FAR2: variants seen among roughly 807,000 people sequenced by gnomAD.
FAR2 encodes fatty acyl-CoA reductase 2, also known as epididymis secretory protein Li 81.
FAR2 carries 19 observed loss-of-function variants against 56.0 expected under a neutral mutation model. The observed-to-expected ratio is 0.34, with a 90% CI of 0.24 to 0.50. FAR2 has a LOEUF of 0.50. Ranked by LOEUF, FAR2 falls within the 20% of genes least tolerant of loss-of-function variation. FAR2 has a pLI of 0.98. For synonymous variants in FAR2, 219 were observed against 218.8 expected (o/e 1.00, Z -0.01); for missense variants, 508 against 642.2 (o/e 0.79, Z 2.26).
chr12:29,165,180 T>A (rs1055058499), intron 1 of FAR2, among the ~76,000 whole-genome samples: 1 of 152,204 alleles, frequency 6.6e-6, no homozygotes, highest in Non-Finnish European at 1.5e-5. Flanking sequence ...TATGTAAACC[T>A]CTCCTACGTT....
At chr12:29,303,687 A>G (rs1321773113) in intron 4 of FAR2, among the ~76,000 whole-genome samples, 1 of 152,176 alleles carries the variant, frequency 6.6e-6, no homozygotes, top group African/African-American at 2.4e-5. Context: ...GCTATAGAAC[A>G]CATTGTTAAC....
intron 1 of FAR2, among the ~76,000 whole-genome samples, chr12:29,230,268 A>C (rs953353527): frequency 6.6e-6 from 1 of 152,082 alleles, no homozygotes; most frequent in Non-Finnish European, 1.5e-5. Flanking sequence ...TGGGTATTAC[A>C]GGGATCAGCC....
Position 29,307,694 on chromosome 12 carries a change from C to T in FAR2, c.582C>T (p.Pro194=), listed in dbSNP as rs755943380. The change falls in exon 5 of 12, where the codon CCC becomes CCT. Residue 194 remains proline, a synonymous_variant. Coordinates refer to ENST00000536681, the MANE Select transcript of FAR2 (RefSeq NM_001271783.2). The stretch of plus-strand genomic sequence containing the variant: ...ATGCTATTATTGACGAGATTACACC[C>T]AAGCTGATCAGAGATTGGCCCAATA... ...LDDAIIDEIT[P]KLIRDWPNIY... The T allele has an allele frequency of 1.2e-6, 2 of 1,613,556 alleles. No homozygotes were observed. The highest frequency in any genetic ancestry group is 1.7e-5 in the Admixed American group (1 of 59,942).
intron 1 of FAR2, among the ~76,000 whole-genome samples, chr12:29,216,476 C>G: frequency 6.6e-6 from 1 of 152,188 alleles, no homozygotes. Context: ...CTCATGTGTA[C>G]AGCAGATGCT....
chr12:29,324,591 C>T (rs1949612418), intron 10 of FAR2, among the ~76,000 whole-genome samples: 3 of 152,130 alleles, frequency 2.0e-5, no homozygotes, highest in Admixed American at 2.0e-4. Flanking sequence ...TGGGGGCCGA[C>T]ATTCAACATT....
intron 1 of FAR2, among the ~76,000 whole-genome samples, chr12:29,240,262 G>A (rs958873588): frequency 1.3e-5 from 2 of 152,198 alleles, no homozygotes; most frequent in African/African-American, 4.8e-5. Flanking sequence ...CATTCTGGAA[G>A]TCAGAGCTTA....
At chr12:29,312,030 T>G in intron 8 of FAR2, 80 bp downstream of exon 8, 1 of 1,015,256 alleles carries the variant, frequency 9.8e-7, no homozygotes, top group Non-Finnish European at 1.5e-6. Flanking sequence ...TCATGGAGCT[T>G]AGAGCTTATA....
chr12:29,188,619 GA>G (rs1409850305), intron 1 of FAR2, among the ~76,000 whole-genome samples: 2 of 152,040 alleles, frequency 1.3e-5, no homozygotes, highest in Non-Finnish European at 2.9e-5. Flanking sequence ...GGCTTTATTT[GA>G]ATTTCACCAG....
Position 29,160,162 on chromosome 12 carries a change from T to C in FAR2, c.-39+10755T>C, listed in dbSNP as rs117515287. ...GGAGCCATTAAGTGGGCCATTTTAGTTCCTTGAAGTCCTCTAGACTTTGGC... is the reference window on the plus strand; with the variant it reads ...GGAGCCATTAAGTGGGCCATTTTAGCTCCTTGAAGTCCTCTAGACTTTGGC... On this transcript the variant is annotated intron_variant, in intron 1 of 11. Transcript: ENST00000536681. Among the ~76,000 whole-genome samples, 802 of 152,336 alleles carry C rather than the reference T, an allele frequency of 5.3e-3. 3 individuals carry two copies. Among genetic ancestry groups the C allele is most frequent in the Non-Finnish European group, 7.5e-3 (513 of 68,032 alleles).
chr12:29,256,546 T>C (rs1948319291), intron 1 of FAR2, among the ~76,000 whole-genome samples: 1 of 152,230 alleles, frequency 6.6e-6, no homozygotes, highest in Admixed American at 6.5e-5. Flanking sequence ...TTGGCGGCAC[T>C]TGAGGAGCCC....
intron 2 of FAR2, among the ~76,000 whole-genome samples, chr12:29,291,257 T>G (rs1379435410): frequency 6.6e-6 from 1 of 152,162 alleles, no homozygotes; most frequent in African/African-American, 2.4e-5. Flanking sequence ...TCAGAGTCAG[T>G]GTTTCCCAAT....
chr12:29,167,698 A>G (rs1006635954), intron 1 of FAR2, among the ~76,000 whole-genome samples: 2 of 152,214 alleles, frequency 1.3e-5, no homozygotes, highest in East Asian at 3.8e-4. Flanking sequence ...GCCTCCACGG[A>G]GTTGTCATAT....
Position 29,335,242 on chromosome 12 carries a change from C to T in FAR2, c.*1448C>T, listed in dbSNP as rs1378452527. On this transcript the variant is annotated 3_prime_UTR_variant, in exon 12 of 12. Coordinates refer to ENST00000536681, the MANE Select transcript of FAR2 (RefSeq NM_001271783.2). ...ACAAGGCCTTAGGGCAGTATCTAGC[C>T]CAGTATTATTCCAGATTCTCCTGAG... 2.0e-5 allele frequency: 3 copies of T among 152,084 alleles called. No homozygotes were observed. The highest frequency in any genetic ancestry group is 4.1e-4 in the South Asian group (2 of 4,826). 9.4% of individuals were successfully genotyped at this position (152,084 alleles called of 1,614,324 possible). A position where few individuals can be genotyped will look rare whatever the true frequency, so the allele number is the denominator to read the frequency against.
chr12:29,330,908 A>T (rs1565528873), intron 10 of FAR2, among the ~76,000 whole-genome samples: 1 of 152,204 alleles, frequency 6.6e-6, no homozygotes, highest in Non-Finnish European at 1.5e-5. Flanking sequence ...TAAAGCTTAT[A>T]TACAGACTAA....
At chr12:29,289,788 C>T (rs1357295531) in intron 2 of FAR2, among the ~76,000 whole-genome samples, 1 of 152,080 alleles carries the variant, frequency 6.6e-6, no homozygotes, top group Non-Finnish European at 1.5e-5. Context: ...TGCAAACAAC[C>T]TATCTGATAA....
chr12:29,182,938 CTTTTT>C (rs11298420), intron 1 of FAR2, among the ~76,000 whole-genome samples: 2 of 131,006 alleles, frequency 1.5e-5, no homozygotes, highest in Non-Finnish European at 1.7e-5. Flanking sequence ...TACTCATTGT[CTTTTT>C]TTTTTTTTTT....
intron 1 of FAR2, among the ~76,000 whole-genome samples, chr12:29,151,074 T>C (rs1949678145): frequency 6.6e-6 from 1 of 152,230 alleles, no homozygotes; most frequent in South Asian, 2.1e-4. Flanking sequence ...ACCATCTGCT[T>C]TCCTATCTCC....
At chr12:29,215,267 A>G (rs1392361341) in intron 1 of FAR2, among the ~76,000 whole-genome samples, 2 of 152,256 alleles carry the variant, frequency 1.3e-5, no homozygotes, top group African/African-American at 4.8e-5. Context: ...AAGCTTTATT[A>G]AATTTAAAAA....
intron 1 of FAR2, among the ~76,000 whole-genome samples, chr12:29,162,959 A>G (rs1270935449): frequency 1.3e-5 from 2 of 152,250 alleles, no homozygotes; most frequent in Admixed American, 1.3e-4. Context: ...AGTAAAACAC[A>G]GTCATTGCCC....
Sources: allele counts gnomAD v4.1 joint callset (sites outside exome capture counted in the v4.1 genomes callset), GRCh38; gene constraint gnomAD v4.1.1; transcripts MANE v1.5; gene names NCBI Gene and HGNC (gene_info 2026-07-23, HGNC 2026-07-21).